Variants in NRXN3 observed in about 807,000 individuals in gnomAD.
NRXN3 encodes the protein neurexin III.
A neutral mutation model predicts 137.6 loss-of-function variants in NRXN3; 32 were observed. The ratio of observed to expected loss-of-function variants is 0.23; its 90% CI spans 0.18 to 0.31. NRXN3 has a LOEUF of 0.31. NRXN3 is among the 10% of genes least tolerant of loss of function. The pLI, the probability that NRXN3 is intolerant of heterozygous loss-of-function variation, is 1.00. For missense variants in NRXN3, 1,574 were observed against 2,062.5 expected (o/e 0.76, Z 4.59); for synonymous variants, 798 against 784.5 (o/e 1.02, Z -0.29).
intron 4 of NRXN3, among the ~76,000 whole-genome samples, chr14:78,446,098 C>A (rs2094410571): frequency 6.6e-6 from 1 of 152,192 alleles, no homozygotes; most frequent in African/African-American, 2.4e-5. Context: ...TTGCCCATAA[C>A]CATTAATCAG....
intron 4 of NRXN3, among the ~76,000 whole-genome samples, chr14:78,514,271 A>G (rs1218593929): frequency 6.6e-6 from 1 of 152,166 alleles, no homozygotes; most frequent in Non-Finnish European, 1.5e-5. Flanking sequence ...GCCATAGGAA[A>G]CTAGAGAAAG....
chr14:78,444,534 G>A (rs2094356734), intron 4 of NRXN3, among the ~76,000 whole-genome samples: 1 of 152,178 alleles, frequency 6.6e-6, no homozygotes, highest in East Asian at 1.9e-4. Context: ...CAGGAGTGGA[G>A]TTAAGATGGA....
chr14:78,266,037 A>G (rs1567121944), intron 2 of NRXN3, among the ~76,000 whole-genome samples: 1 of 152,326 alleles, frequency 6.6e-6, no homozygotes, highest in East Asian at 1.9e-4. Context: ...AATGAAAGGA[A>G]TGGACCTTAC....
At chr14:78,283,601 C>T (rs961376991) in intron 3 of NRXN3, among the ~76,000 whole-genome samples, 3 of 151,988 alleles carry the variant, frequency 2.0e-5, no homozygotes, top group Admixed American at 6.6e-5. Context: ...CTCTGCCTCC[C>T]GGGTTCAAGC....
chr14:78,315,446 C>A (rs1055456874), intron 4 of NRXN3, among the ~76,000 whole-genome samples: 2 of 152,202 alleles, frequency 1.3e-5, no homozygotes, highest in Non-Finnish European at 2.9e-5. Context: ...ATTCTATGAT[C>A]AGGTAAATTT....
intron 4 of NRXN3, among the ~76,000 whole-genome samples, chr14:78,371,313 C>A (rs919483041): frequency 6.6e-6 from 1 of 152,178 alleles, no homozygotes; most frequent in Non-Finnish European, 1.5e-5. Flanking sequence ...GGCACAACTT[C>A]GGAGAGGAGC....
chr14:79,279,618 C>T (rs2080918287), intron 15 of NRXN3: 6 of 987,228 alleles, frequency 6.1e-6, no homozygotes, highest in Non-Finnish European at 7.2e-6. Context: ...GCTGCTGCTG[C>T]TGCTGGTTTT....
rs74065973 is a variant in NRXN3, at chr14:78,280,876, G to A, written c.727+2214G>A. On this transcript the variant is annotated intron_variant, in intron 3 of 20. Coordinates refer to ENST00000335750, the MANE Select transcript of NRXN3 (RefSeq NM_001330195.2). ...ACACCATTTCAATTTCATGGCTGTT[G>A]TCTCATTTTGTTCTGTTATCCCTCT... is the stretch of plus-strand genomic sequence containing the variant. Among the ~76,000 whole-genome samples the A allele has an allele frequency of 2.1e-3, 314 of 152,292 alleles. 2 individuals carry two copies. Among genetic ancestry groups the A allele is most frequent in the African/African-American group, 7.3e-3 (302 of 41,562 alleles).
chr14:78,818,079 C>T (rs1439120904), intron 10 of NRXN3, among the ~76,000 whole-genome samples: 1 of 151,700 alleles, frequency 6.6e-6, no homozygotes, highest in African/African-American at 2.4e-5. Context: ...AGTATATAGA[C>T]TCATATAACT....
chr14:79,263,220 T>A (rs2077909028), intron 15 of NRXN3, among the ~76,000 whole-genome samples: 1 of 152,208 alleles, frequency 6.6e-6, no homozygotes, highest in South Asian at 2.1e-4. Flanking sequence ...ATCTCCATGT[T>A]TTCAGCCACA....
At position 79,093,174 on chromosome 14, in the gene NRXN3, A is replaced by G. The variant is rs542094901; in HGVS notation, c.3262+105033A>G. ...AACTTCAAGAAAGTATGATTAGTAC[A>G]TTGACCAGCCAAATGTAGAAGCTTC... On this transcript the variant is annotated intron_variant, in intron 15 of 20. Coordinates refer to ENST00000335750, the MANE Select transcript of NRXN3 (RefSeq NM_001330195.2). 2.0e-5 allele frequency among the ~76,000 whole-genome samples: 3 copies of G among 152,338 alleles called. No individual in the cohort carries two copies. In the South Asian group the frequency reaches 6.2e-4, roughly 32 times the overall value.
intron 19 of NRXN3, among the ~76,000 whole-genome samples, chr14:79,758,197 T>C (rs539116827): frequency 1.3e-3 from 199 of 152,300 alleles, no homozygotes; most frequent in Middle Eastern, 3.4e-3. Flanking sequence ...ATATGTATTT[T>C]TGGCTTCCTG....
At chr14:79,185,046 G>T (rs1028369645) in intron 15 of NRXN3, among the ~76,000 whole-genome samples, 2 of 152,144 alleles carry the variant, frequency 1.3e-5, no homozygotes, top group African/African-American at 2.4e-5. Flanking sequence ...TTGACATGTT[G>T]TCTATTAAAA....
chr14:78,186,479 A>C (rs2060238533), intron 1 of NRXN3, among the ~76,000 whole-genome samples: 2 of 152,230 alleles, frequency 1.3e-5, no homozygotes, highest in Non-Finnish European at 2.9e-5. Flanking sequence ...TTGCAACATT[A>C]CCATTTCCTC....
chr14:78,171,170 G>A (rs2058685439), intron 1 of NRXN3, among the ~76,000 whole-genome samples: 2 of 150,910 alleles, frequency 1.3e-5, no homozygotes, highest in Admixed American at 1.3e-4. Flanking sequence ...ATTGAGACAG[G>A]GATTTCCCTA....
chr14:79,257,173 C>A (rs570433657), intron 15 of NRXN3, among the ~76,000 whole-genome samples: 13 of 151,698 alleles, frequency 8.6e-5, no homozygotes, highest in Non-Finnish European at 1.5e-4. Flanking sequence ...GCAGGGAGGG[C>A]GAGGGGGAGG....
At chr14:78,635,738 G>A (rs2097561812) in intron 4 of NRXN3, among the ~76,000 whole-genome samples, 1 of 152,188 alleles carries the variant, frequency 6.6e-6, no homozygotes, top group Admixed American at 6.5e-5. Flanking sequence ...AGGGTGAAAG[G>A]ATATGTAAGT....
At chr14:78,884,099 G>A (rs1395438698) in intron 10 of NRXN3, among the ~76,000 whole-genome samples, 1 of 151,966 alleles carries the variant, frequency 6.6e-6, no homozygotes, top group African/African-American at 2.4e-5. Context: ...TTTAATCATG[G>A]CATTGTTACT....
At chr14:79,548,748 A>T (rs1401706509) in intron 16 of NRXN3, among the ~76,000 whole-genome samples, 1 of 11,364 alleles carries the variant, frequency 8.8e-5, no homozygotes, top group Non-Finnish European at 4.9e-4. Flanking sequence ...TTTAAAGATT[A>T]AAAAAAAAAA....
Sources: gnomAD v4.1 joint callset for allele counts (sites outside exome capture counted in the v4.1 genomes callset) on GRCh38, gnomAD v4.1.1 for gene constraint, MANE v1.5 for transcripts, NCBI Gene and HGNC (gene_info 2026-07-23, HGNC 2026-07-21) for gene names.